The following SORCS3 variants were observed in gnomAD, a reference collection of about 807,000 sequenced individuals.
The protein encoded by SORCS3 is VPS10 domain-containing receptor SorCS3.
SORCS3 carries 57 observed loss-of-function variants against 146.3 expected under a neutral mutation model. That is an observed-to-expected ratio of 0.39 (90% CI 0.31 to 0.49). SORCS3 has a LOEUF of 0.49. Among genes scored for constraint, SORCS3 ranks in the 20% least tolerant of loss-of-function variants. The pLI, the probability that SORCS3 is intolerant of heterozygous loss-of-function variation, is 0.92. For synonymous variants in SORCS3, 653 were observed against 618.5 expected, an observed-to-expected ratio of 1.06 and a Z score of -0.83; for missense variants, 1,341 against 1,575.5, an observed-to-expected ratio of 0.85 and a Z score of 2.52.
At chr10:105,002,225 A>G (rs1353151056) in intron 4 of SORCS3, among the ~76,000 whole-genome samples, 1 of 152,198 alleles carries the variant, frequency 6.6e-6, no homozygotes, top group African/African-American at 2.4e-5. Flanking sequence ...GGGTGCCTGC[A>G]TCGTGACAAA....
chr10:104,858,638 T>A (rs1210224943), intron 2 of SORCS3, among the ~76,000 whole-genome samples: 4 of 151,822 alleles, frequency 2.6e-5, no homozygotes, highest in Non-Finnish European at 5.9e-5. Context: ...TTTTTTTTTT[T>A]TGAGACGGAG....
At chr10:105,148,467 T>C (rs1370389907) in intron 9 of SORCS3, among the ~76,000 whole-genome samples, 1 of 152,130 alleles carries the variant, frequency 6.6e-6, no homozygotes, top group Non-Finnish European at 1.5e-5. Context: ...ACCTAAAAGA[T>C]GTGGTACCTT....
chr10:104,734,445 C>A (rs1349179069), intron 1 of SORCS3, among the ~76,000 whole-genome samples: 1 of 152,190 alleles, frequency 6.6e-6, no homozygotes, highest in African/African-American at 2.4e-5. Context: ...TGAGAGAGGA[C>A]CTTAGTCCTG....
intron 3 of SORCS3, among the ~76,000 whole-genome samples, chr10:104,928,109 A>T (rs1673717476): frequency 6.6e-6 from 1 of 152,188 alleles, no homozygotes; most frequent in South Asian, 2.1e-4. Context: ...AGCAGTTTCA[A>T]GTTGGGAGAG....
intron 1 of SORCS3, among the ~76,000 whole-genome samples, chr10:104,819,956 C>G (rs1043345567): frequency 2.6e-5 from 4 of 152,176 alleles, no homozygotes; most frequent in Non-Finnish European, 4.4e-5. Flanking sequence ...TCCTTAACCA[C>G]TGGGTTTAGA....
chr10:105,107,514 T>A (rs929230215), intron 7 of SORCS3, among the ~76,000 whole-genome samples: 52 of 152,318 alleles, frequency 3.4e-4, no homozygotes, highest in African/African-American at 9.1e-4. Flanking sequence ...CAGATTTTTT[T>A]AAAAATTATT....
chr10:105,256,841 T>A lies in SORCS3; in HGVS notation c.3360T>A (p.Ala1120=). Reference sequence around the variant, plus strand: ...AAGCTCCATTGGTGGACTCCAGTGCTGGGCACAGCAGCTCAGCCATGCTTA... The same window carrying A: ...AAGCTCCATTGGTGGACTCCAGTGCAGGGCACAGCAGCTCAGCCATGCTTA... The part of the protein sequence containing the change: ...LTLAPLVDSS[A]GHSSSAMLML... The change falls in exon 25 of 27, where the codon GCT becomes GCA. Residue 1120 remains alanine (A), a synonymous_variant. Coordinates refer to ENST00000369701, the MANE Select transcript of SORCS3 (RefSeq NM_014978.3). 1 of 1,614,190 alleles carries A rather than the reference T, an allele frequency of 6.2e-7. No homozygotes were observed. Among genetic ancestry groups the A allele is most frequent in the South Asian group, 1.1e-5 (1 of 91,074 alleles).
chr10:104,724,265 G>C (rs1391401605), intron 1 of SORCS3, among the ~76,000 whole-genome samples: 1 of 152,084 alleles, frequency 6.6e-6, no homozygotes, highest in Non-Finnish European at 1.5e-5. Flanking sequence ...GAAATTCCGG[G>C]TTGAAAATTC....
chr10:104,716,647 A>T (rs1162681066), intron 1 of SORCS3, among the ~76,000 whole-genome samples: 1 of 152,102 alleles, frequency 6.6e-6, no homozygotes, highest in African/African-American at 2.4e-5. Context: ...AGCAAATAGG[A>T]CCCACGTTTA....
intron 2 of SORCS3, among the ~76,000 whole-genome samples, chr10:104,877,514 A>C (rs1173046620): frequency 6.6e-6 from 1 of 152,226 alleles, no homozygotes; most frequent in Admixed American, 6.5e-5. Context: ...CCAGTAATGT[A>C]TCTTGCTGTC....
chr10:104,786,786 G>A (rs1589498875), intron 1 of SORCS3, among the ~76,000 whole-genome samples: 1 of 152,100 alleles, frequency 6.6e-6, no homozygotes, highest in East Asian at 1.9e-4. Flanking sequence ...AATTGTGCAG[G>A]ATCAGGCAGA....
chr10:105,125,679 C>CACACACACA lies in SORCS3; in HGVS notation c.1213-13718_1213-13717insACACACACA, dbSNP rs370356129. On this transcript the variant is annotated intron_variant, in intron 7 of 26. Coordinates refer to ENST00000369701, the MANE Select transcript of SORCS3 (RefSeq NM_014978.3). ...ACATGCATGTTGCATCACTGAATATCCACACACACACACACACACACACAC... is the reference window on the plus strand; with the variant it reads ...ACATGCATGTTGCATCACTGAATATCACACACACACACACACACACACACACACACACAC... Among the ~76,000 whole-genome samples, 1,420 of 144,454 alleles carry CACACACACA rather than the reference C, an allele frequency of 9.8e-3. 8 individuals are homozygous for CACACACACA. The highest frequency in any genetic ancestry group is 0.015 in the African/African-American group (576 of 38,482). 94.8% of individuals were successfully genotyped at this position (144,454 alleles called of 152,430 possible).
chr10:104,978,018 C>A (rs2054911357), intron 4 of SORCS3, among the ~76,000 whole-genome samples: 1 of 152,126 alleles, frequency 6.6e-6, no homozygotes. Context: ...GCGTGAGTCA[C>A]CGTATTTCAC....
intron 4 of SORCS3, among the ~76,000 whole-genome samples, chr10:105,016,147 ATATATATAT>A (rs1400847139): frequency 3.5e-4 from 37 of 106,316 alleles, no homozygotes; most frequent in African/African-American, 1.8e-3. Context: ...ATATATATAT[ATATATATAT>A]TTTTTTTTTT....
intron 1 of SORCS3, among the ~76,000 whole-genome samples, chr10:104,694,450 G>A (rs1004530159): frequency 1.1e-4 from 16 of 152,056 alleles, no homozygotes; most frequent in Non-Finnish European, 2.1e-4. Flanking sequence ...TGGATGCTGA[G>A]GTACATCCCC....
intron 4 of SORCS3, among the ~76,000 whole-genome samples, chr10:105,039,759 GCT>G (rs1451416267): frequency 6.6e-6 from 1 of 151,980 alleles, no homozygotes; most frequent in Non-Finnish European, 1.5e-5. Flanking sequence ...CCAGGTTCTC[GCT>G]CTCTTTATGT....
intron 2 of SORCS3, among the ~76,000 whole-genome samples, chr10:104,896,255 T>C (rs1408797432): frequency 1.3e-5 from 2 of 152,206 alleles, no homozygotes; most frequent in African/African-American, 2.4e-5. Flanking sequence ...GGACACAGAC[T>C]TCCTCACTGG....
chr10:105,168,708 C>A (rs958312387), intron 13 of SORCS3, among the ~76,000 whole-genome samples: 14 of 152,096 alleles, frequency 9.2e-5, no homozygotes, highest in Non-Finnish European at 1.5e-5. Flanking sequence ...AAGAAGGATT[C>A]TCTCAATTTG....
At chr10:104,943,960 C>T (rs2019345234) in intron 3 of SORCS3, among the ~76,000 whole-genome samples, 1 of 151,994 alleles carries the variant, frequency 6.6e-6, no homozygotes, top group Non-Finnish European at 1.5e-5. Context: ...GCTCTGTTGC[C>T]TAGGGTGGAG....
Sources: allele counts gnomAD v4.1 joint callset (sites outside exome capture counted in the v4.1 genomes callset), GRCh38; gene constraint gnomAD v4.1.1; transcripts MANE v1.5; gene names NCBI Gene and HGNC (gene_info 2026-07-23, HGNC 2026-07-21).